Variants in VILL observed in about 807,000 individuals in gnomAD.
VILL encodes villin-like protein.
In VILL, 102 loss-of-function variants were observed where a neutral mutation model predicts 106.3. That is an observed-to-expected ratio of 0.96 (90% CI 0.82 to 1.13). The LOEUF is 1.13. Among genes scored for constraint, VILL ranks in the 50% most tolerant of loss-of-function variants. The pLI is 0.00. For missense variants in VILL, 1,076 were observed against 1,116.6 expected (o/e 0.96, Z 0.52); for synonymous variants, 431 against 440.3 (o/e 0.98, Z 0.27).
chr3:38,002,504 G>C lies in VILL; in HGVS notation c.1588G>C (p.Ala530Pro). The change falls in exon 14 of 20, where the codon GCC becomes CCC. Residue 530 changes from alanine (A) to proline (P), a missense_variant. Physicochemically the swap from Ala to Pro is conservative, Grantham distance 27 (BLOSUM62 -1). Transcript: ENST00000383759. ...NTRTMEVPAR[A>P]SSLNSSDIFL... The stretch of plus-strand genomic sequence containing the variant: ...CAGGACCATGGAGGTGCCAGCCCGT[G>C]CCTCATCCCTCAACTCCAGTGACAT... 6.2e-7 allele frequency: 1 copy of C among 1,614,204 alleles called. No individual in the cohort carries two copies. The highest frequency in any genetic ancestry group is 8.5e-7 in the Non-Finnish European group (1 of 1,180,016).
chr3:38,003,299 C>T lies in VILL; in HGVS notation c.1791C>T (p.Tyr597=). 1 of 1,610,424 alleles carries T rather than the reference C, an allele frequency of 6.2e-7. No individual in the cohort carries two copies. Among genetic ancestry groups the T allele is most frequent in the East Asian group, 2.2e-5 (1 of 44,796 alleles). ...FWEALGGRAP[Y]PSNKRLPEEV... is the part of the protein sequence containing the mutation. ...AGGCCCTGGGAGGCCGGGCCCCCTA[C>T]CCCAGCAACAAGAGGTAACAGGGTT... is the stretch of plus-strand genomic sequence containing the variant. The change falls in exon 15 of 20, where the codon TAC becomes TAT. Residue 597 remains tyrosine, a synonymous_variant. Coordinates refer to ENST00000383759, the MANE Select transcript of VILL (RefSeq NM_015873.4).
chr3:38,003,331 A>G lies in VILL; in HGVS notation c.1805+18A>G. Reference sequence around the variant, plus strand: ...AACAAGAGGTAACAGGGTTGGGAGGAGAGTGTTCTTACCCAGAGGAGGAAT... The same window carrying G: ...AACAAGAGGTAACAGGGTTGGGAGGGGAGTGTTCTTACCCAGAGGAGGAAT... On this transcript the variant is annotated intron_variant, in intron 15 of 19. Transcript: ENST00000383759. 6.3e-7 allele frequency: 1 copy of G among 1,591,090 alleles called. No individual in the cohort carries two copies. Among genetic ancestry groups the G allele is most frequent in the Non-Finnish European group, 8.5e-7 (1 of 1,170,250 alleles).
chr3:37,999,510 T>G, intron 11 of VILL, 71 bp downstream of exon 11: 522 of 1,236,222 alleles, frequency 4.2e-4, no homozygotes, highest in Non-Finnish European at 5.2e-4. Flanking sequence ...GTAAACGGTA[T>G]GACTGCTATC....
upstream of VILL, among the ~76,000 whole-genome samples, chr3:37,990,027 T>TCGCACTCTCTCACACACATTGTCA (rs1699590772): frequency 6.6e-6 from 1 of 152,140 alleles, no homozygotes; most frequent in Non-Finnish European, 1.5e-5. This position sits in a 1 kb window ranked among gnomAD's most constrained non-coding sequence, Gnocchi z 5.1. Context: ...GCAGCGTGGC[T>TCGCACTCTCTCACACACATTGTCA]TTGATGGGAT....
rs763261064 is a variant in VILL, at chr3:37,993,915, G to T, written c.78G>T (p.Pro26=). 4 of 1,614,080 alleles carry T rather than the reference G, an allele frequency of 2.5e-6. No individual in the cohort carries two copies. The African/African-American group carries it at 5.3e-5, about 22-fold the overall frequency. Residue 26 remains proline, a synonymous_variant, in exon 3 of 20, where the codon CCG becomes CCT. Transcript: ENST00000383759. ...IWISENRKMV[P]VPEGAYGNFF... Reference sequence around the variant, plus strand: ...TCTCCCAGAACCGGAAGATGGTGCCGGTACCCGAGGGGGCTTACGGGAACT... The same window carrying T: ...TCTCCCAGAACCGGAAGATGGTGCCTGTACCCGAGGGGGCTTACGGGAACT...
intron 4 of VILL, among the ~76,000 whole-genome samples, chr3:37,994,814 C>T (rs1398936825): frequency 6.6e-6 from 1 of 152,268 alleles, no homozygotes; most frequent in African/African-American, 2.4e-5. Flanking sequence ...ACATTTGCCT[C>T]TTCCGGGCAT....
At position 38,006,466 on chromosome 3, in the gene VILL, G is replaced by A; in HGVS notation, c.2223G>A (p.Arg741=). The A allele has an allele frequency of 6.2e-7, 1 of 1,604,080 alleles. No homozygotes were observed. The highest frequency in any genetic ancestry group is 8.5e-7 in the Non-Finnish European group (1 of 1,172,912). The change falls in exon 19 of 20, where the codon CGG becomes CGA. Residue 741 remains arginine, a synonymous_variant. Transcript: ENST00000383759. ...CTGGACAGGAAGTCAACAACTTGCG[G>A]CTATCCAGATGGCCGGGCAATGGCA... is the stretch of plus-strand genomic sequence containing the variant. ...SEITAEVNNL[R]LSRWPGNGRA...
upstream of VILL, among the ~76,000 whole-genome samples, chr3:37,989,842 CT>C (rs1476779677): frequency 3.3e-5 from 5 of 152,200 alleles, 1 homozygote; most frequent in Admixed American, 3.3e-4. Context: ...ACAGGCATCC[CT>C]TCACACACAG....
chr3:38,006,203 T>C lies in VILL; in HGVS notation c.2156T>C (p.Val719Ala), dbSNP rs981716918. The change falls in exon 18 of 20, where the codon GTG becomes GCG. Residue 719 changes from valine to alanine, a missense_variant. Val to Ala is a moderately conservative substitution (Grantham distance 64, BLOSUM62 0). Coordinates refer to ENST00000383759, the MANE Select transcript of VILL (RefSeq NM_015873.4). ...CAGAGCCACCCGTCCCACAAGGAAG[T>C]GGTGGATGGCAGCCCGGCAGCAGCA... ...KWTSHPSHKEVVDGSPAAAST... is the reference protein window; with the variant it reads ...KWTSHPSHKEAVDGSPAAAST... The C allele has an allele frequency of 1.2e-6, 2 of 1,614,062 alleles. No individual in the cohort carries two copies. The highest frequency in any genetic ancestry group is 1.7e-5 in the Admixed American group (1 of 60,006).
chr3:37,993,794 A>G, intron 2 of VILL, 62 bp downstream of exon 2: 1 of 1,607,116 alleles, frequency 6.2e-7, no homozygotes, highest in South Asian at 1.1e-5. Context: ...TTTCCACACT[A>G]GGCTTCTCCC....
At chr3:38,003,987 C>G in intron 15 of VILL, 1 of 371,058 alleles carries the variant, frequency 2.7e-6, no homozygotes, top group South Asian at 6.4e-5. Flanking sequence ...AGCTCAGGCC[C>G]TCCCCTACCC....
At chr3:37,994,890 G>A (rs2125529954) in intron 4 of VILL, among the ~76,000 whole-genome samples, 1 of 152,256 alleles carries the variant, frequency 6.6e-6, no homozygotes, top group East Asian at 1.9e-4. Flanking sequence ...TTAACACACT[G>A]TTTTCATGGT....
chr3:38,006,576 G>T lies in VILL; in HGVS notation c.2333G>T (p.Gly778Val). The T allele has an allele frequency of 6.2e-7, 1 of 1,614,146 alleles. No individual in the cohort carries two copies. Among genetic ancestry groups the T allele is most frequent in the Non-Finnish European group, 8.5e-7 (1 of 1,180,028 alleles). Reference protein sequence around the residue: ...NDLVRSPKSAGSRTSSSVSST... With the variant: ...NDLVRSPKSAVSRTSSSVSST... ...CTGGTGCGAAGCCCCAAGTCGGCTG[G>T]CAGCAGAACCAGCAGCTCCGTCAGC... is the stretch of plus-strand genomic sequence containing the variant. Residue 778 changes from glycine to valine, a missense_variant, in exon 19 of 20, where the codon GGC becomes GTC. Coordinates refer to ENST00000383759, the MANE Select transcript of VILL (RefSeq NM_015873.4).
Position 38,002,702 on chromosome 3 carries a change from G to A in VILL, c.1659+127G>A, listed in dbSNP as rs766424541. On this transcript the variant is annotated intron_variant, in intron 14 of 19. Transcript: ENST00000383759. ...GATAGGCCGATGGGGGGAATGGGGA[G>A]GGGAAGAAGCCACAGGGTCCCCTCT... 50 of 1,148,350 alleles carry A rather than the reference G, an allele frequency of 4.4e-5. 1 individual carries two copies. Among genetic ancestry groups the A allele is most frequent in the Non-Finnish European group, 5.4e-5 (44 of 819,920 alleles). The allele number at this position is 1,148,350 out of a possible 1,614,324, so 71.1% of individuals were successfully genotyped here.
chr3:37,997,229 C>G lies in VILL; in HGVS notation c.561+42C>G, dbSNP rs141085320. 3.1e-6 allele frequency: 5 copies of G among 1,589,638 alleles called. No homozygotes were observed. The South Asian group carries it at 3.3e-5, about 11-fold the overall frequency. On this transcript the variant is annotated intron_variant, in intron 6 of 19. Transcript: ENST00000383759. The surrounding 1 kb of genome is among the most constrained non-coding windows in gnomAD (Gnocchi z 4.7). ...GGAACTGGGGAGTACGGGGCTTGGG[C>G]GGGGAATGATCCTCCAGTTGACCAT...
rs1245922924 is a variant in VILL at position 38,001,706 on chromosome 3, A to C, written c.1325A>C (p.His442Pro). 2 of 1,614,076 alleles carry C rather than the reference A, an allele frequency of 1.2e-6. No homozygotes were observed. The highest frequency in any genetic ancestry group is 1.3e-5 in the African/African-American group (1 of 74,956). Residue 442 changes from histidine to proline, a missense_variant, in exon 13 of 20, where the codon CAC (histidine) becomes CCC (proline). Coordinates refer to ENST00000383759, the MANE Select transcript of VILL (RefSeq NM_015873.4). Reference protein sequence around the residue: ...VQYILYLWQGHQATADEIEAL... With the variant: ...VQYILYLWQGPQATADEIEAL... ...ACTCACTGCCCCCACCTGCAGGGCCACCAGGCCACTGCGGATGAGATTGAG... is the reference window on the plus strand; with the variant it reads ...ACTCACTGCCCCCACCTGCAGGGCCCCCAGGCCACTGCGGATGAGATTGAG...
At position 37,998,040 on chromosome 3, in the gene VILL, C is replaced by A; in HGVS notation, c.765-50C>A. ...GTCCTAAATGGGGCTGGAGTGGAGACAGATCAGGGAGGGGCTGGGCTGGCC... is the reference window on the plus strand; with the variant it reads ...GTCCTAAATGGGGCTGGAGTGGAGAAAGATCAGGGAGGGGCTGGGCTGGCC... On this transcript the variant is annotated intron_variant, in intron 7 of 19. Transcript: ENST00000383759. This position sits in a 1 kb window ranked among gnomAD's most constrained non-coding sequence, Gnocchi z 4.1. The A allele has an allele frequency of 6.5e-7, 1 of 1,535,536 alleles. No individual in the cohort carries two copies. The highest frequency in any genetic ancestry group is 8.8e-7 in the Non-Finnish European group (1 of 1,130,798).
At position 37,998,304 on chromosome 3, in the gene VILL, T is replaced by C. The variant is rs1370403329; in HGVS notation, c.882T>C (p.Tyr294=). 1 of 1,614,084 alleles carries C rather than the reference T, an allele frequency of 6.2e-7. No homozygotes were observed. The highest frequency in any genetic ancestry group is 1.7e-5 in the Admixed American group (1 of 60,018). Residue 294 remains tyrosine, a synonymous_variant, in exon 9 of 20, where the codon TAT becomes TAC. Coordinates refer to ENST00000383759, the MANE Select transcript of VILL (RefSeq NM_015873.4). The surrounding 1 kb of genome is among the most constrained non-coding windows in gnomAD (Gnocchi z 4.1). ...YILDQGGFKI[Y]VWQGRMSSLQ... ...TGGACCAGGGTGGCTTCAAGATCTA[T>C]GTGTGGCAGGGACGCATGTCTAGCC...
chr3:38,004,129 C>T, intron 15 of VILL, 126 bp from the exon 16 acceptor site: 1 of 1,339,312 alleles, frequency 7.5e-7, no homozygotes, highest in Non-Finnish European at 1.0e-6. Context: ...AACCACGGGG[C>T]TCAGAGGAGG....
Sources: gnomAD v4.1 joint callset for allele counts (sites outside exome capture counted in the v4.1 genomes callset) on GRCh38, gnomAD v4.1.1 for gene constraint, Gnocchi (gnomAD v3.1) non-coding constraint, MANE v1.5 for transcripts, NCBI Gene and HGNC (gene_info 2026-07-23, HGNC 2026-07-21) for gene names.